The following GTF2F2 variants were observed in gnomAD, a reference collection of about 807,000 sequenced individuals.
The protein encoded by GTF2F2 is general transcription factor IIF subunit 2, also known as ATP-dependent helicase GTF2F2.
GTF2F2 carries 23 observed loss-of-function variants against 42.2 expected under a neutral mutation model. That is an observed-to-expected ratio of 0.55 (90% CI 0.39 to 0.77). The LOEUF (loss-of-function observed/expected upper bound fraction) is 0.77, where lower values mean the gene tolerates loss of function less well. Among genes scored for constraint, GTF2F2 ranks in the 30% least tolerant of loss-of-function variants. The pLI is 0.00. For synonymous variants in GTF2F2, 105 were observed against 100.8 expected, an observed-to-expected ratio of 1.04 and a Z score of -0.25; for missense variants, 261 against 287.2, an observed-to-expected ratio of 0.91 and a Z score of 0.66.
intron 6 of GTF2F2, chr13:45,264,039 A>G (rs1157268474): frequency 6.6e-6 from 1 of 152,234 alleles, no homozygotes; most frequent in East Asian, 1.9e-4. Context: ...ATAAGTAAAC[A>G]ATTAACAAAT....
intron 5 of GTF2F2, among the ~76,000 whole-genome samples, chr13:45,246,363 A>G (rs796715965): frequency 3.3e-5 from 5 of 152,140 alleles, no homozygotes; most frequent in African/African-American, 1.2e-4. Flanking sequence ...AGGTGGTATC[A>G]TATTGTTTGA....
intron 5 of GTF2F2, among the ~76,000 whole-genome samples, chr13:45,233,185 A>G (rs1566144401): frequency 6.6e-6 from 1 of 152,212 alleles, no homozygotes; most frequent in Non-Finnish European, 1.5e-5. Flanking sequence ...AGGCAGTAAT[A>G]TGCTATGATT....
At position 45,218,947 on chromosome 13, in the gene GTF2F2, A is replaced by G. The variant is rs557727660; in HGVS notation, c.386+11442A>G. ...CTGTAATGCAGTTGCCATGGGATGT[A>G]TTGTAAAGAAAACTTGAATTATTTA... On this transcript the variant is annotated intron_variant, in intron 5 of 7. Coordinates refer to ENST00000340473, the MANE Select transcript of GTF2F2 (RefSeq NM_004128.3). Among the ~76,000 whole-genome samples the G allele has an allele frequency of 2.6e-5, 4 of 152,276 alleles. No homozygotes were observed. The South Asian group carries it at 8.3e-4, about 32-fold the overall frequency.
At chr13:45,124,890 A>C (rs1363726610) in intron 1 of GTF2F2, among the ~76,000 whole-genome samples, 1 of 152,152 alleles carries the variant, frequency 6.6e-6, no homozygotes, top group African/African-American at 2.4e-5. Flanking sequence ...ATGTTGGCCA[A>C]GGTGGTCTTG....
chr13:45,213,244 A>G (rs1873766652), intron 5 of GTF2F2, among the ~76,000 whole-genome samples: 1 of 151,850 alleles, frequency 6.6e-6, no homozygotes, highest in Non-Finnish European at 1.5e-5. Context: ...ACGCCCGGCT[A>G]ATTTTTTTGT....
At chr13:45,135,360 A>AGCAAGTCTCCTGCCTCAGCCTCCT (rs1351445937) in intron 1 of GTF2F2, among the ~76,000 whole-genome samples, 4 of 152,128 alleles carry the variant, frequency 2.6e-5, no homozygotes, top group Non-Finnish European at 5.9e-5. Flanking sequence ...CCCAGGTTCA[A>AGCAAGTCTCCTGCCTCAGCCTCCT]GCAAGTCTCC....
chr13:45,174,731 A>C (rs530184409), intron 4 of GTF2F2, among the ~76,000 whole-genome samples: 1 of 148,548 alleles, frequency 6.7e-6, no homozygotes, highest in Admixed American at 6.9e-5. Context: ...GTCAGGGAGG[A>C]CTTCAGAGGG....
chr13:45,186,970 AC>A (rs1872452607), intron 4 of GTF2F2, among the ~76,000 whole-genome samples: 1 of 152,264 alleles, frequency 6.6e-6, no homozygotes, highest in Non-Finnish European at 1.5e-5. Flanking sequence ...AAATAAAATT[AC>A]TATTAAAACT....
At position 45,187,435 on chromosome 13, in the gene GTF2F2, A is replaced by C. The variant is rs1872472103; in HGVS notation, c.305-19989A>C. 2.0e-5 allele frequency among the ~76,000 whole-genome samples: 3 copies of C among 152,200 alleles called. 1 individual carries two copies. The highest frequency in any genetic ancestry group is 4.4e-5 in the Non-Finnish European group (3 of 68,048). On this transcript the variant is annotated intron_variant, in intron 4 of 7. Transcript: ENST00000340473. ...TATTAAATATAGGTCATTTATAACA[A>C]CTTATATGTGTTCATGATTTTTGTT...
intron 5 of GTF2F2, among the ~76,000 whole-genome samples, chr13:45,222,005 T>C (rs1305598337): frequency 6.6e-6 from 1 of 152,134 alleles, no homozygotes; most frequent in African/African-American, 2.4e-5. Flanking sequence ...GATGGGCCTT[T>C]CTCGACCACT....
intron 1 of GTF2F2, among the ~76,000 whole-genome samples, chr13:45,135,275 G>T (rs1474092549): frequency 1.3e-5 from 2 of 151,706 alleles, no homozygotes; most frequent in Non-Finnish European, 2.9e-5. Context: ...TCTAGTAGTT[G>T]TTCAGTAACT....
intron 5 of GTF2F2, among the ~76,000 whole-genome samples, chr13:45,221,460 T>C (rs1874112610): frequency 6.6e-6 from 1 of 152,164 alleles, no homozygotes; most frequent in Non-Finnish European, 1.5e-5. Flanking sequence ...GAGGGACTTA[T>C]CCATGTAACC....
chr13:45,202,277 C>T (rs563041722), intron 4 of GTF2F2, among the ~76,000 whole-genome samples: 1 of 152,240 alleles, frequency 6.6e-6, no homozygotes, highest in South Asian at 2.1e-4. Flanking sequence ...ATCCCAGCTA[C>T]CCAGGAGGCA....
intron 7 of GTF2F2, among the ~76,000 whole-genome samples, chr13:45,282,291 G>A (rs1429980702): frequency 2.0e-5 from 3 of 151,960 alleles, no homozygotes; most frequent in Non-Finnish European, 4.4e-5. Flanking sequence ...GCTTATTGTG[G>A]AATGCTTTTT....
intron 4 of GTF2F2, chr13:45,194,267 G>A (rs1343152510): frequency 1.9e-6 from 3 of 1,613,978 alleles, no homozygotes; most frequent in Admixed American, 1.7e-5. Flanking sequence ...AACCCTTCGG[G>A]CAATAGAAGT....
At chr13:45,180,195 A>G (rs977514966) in intron 4 of GTF2F2, among the ~76,000 whole-genome samples, 4 of 152,176 alleles carry the variant, frequency 2.6e-5, no homozygotes, top group Admixed American at 6.5e-5. Context: ...TAAATTATAA[A>G]TAAGTTTGTA....
At chr13:45,189,673 T>C (rs1329784698) in intron 4 of GTF2F2, among the ~76,000 whole-genome samples, 1 of 146,986 alleles carries the variant, frequency 6.8e-6, no homozygotes, top group Non-Finnish European at 1.6e-5. Context: ...CAAAGGCTGT[T>C]GTGGTTTTGA....
chr13:45,139,590 A>T (rs1869817727), intron 2 of GTF2F2, among the ~76,000 whole-genome samples: 1 of 152,226 alleles, frequency 6.6e-6, no homozygotes, highest in Admixed American at 6.5e-5. Context: ...TATGTAAAAT[A>T]GCACCCTGCA....
At chr13:45,261,784 G>A (rs1407480108) in intron 6 of GTF2F2, among the ~76,000 whole-genome samples, 1 of 152,120 alleles carries the variant, frequency 6.6e-6, no homozygotes, top group African/African-American at 2.4e-5. Flanking sequence ...TCTCAAAACT[G>A]TAATCTTCTC....
Sources: allele counts gnomAD v4.1 joint callset (sites outside exome capture counted in the v4.1 genomes callset), GRCh38; gene constraint gnomAD v4.1.1; transcripts MANE v1.5; gene names NCBI Gene and HGNC (gene_info 2026-07-23, HGNC 2026-07-21).